Variants in RAB3IP observed in about 807,000 individuals in gnomAD.
RAB3IP encodes RAB3A interacting protein.
RAB3IP carries 36 observed loss-of-function variants against 59.1 expected under a neutral mutation model. The ratio of observed to expected loss-of-function variants is 0.61; its 90% confidence interval spans 0.47 to 0.80. RAB3IP has a LOEUF of 0.80. RAB3IP is among the 30% of genes least tolerant of loss of function. The probability of loss-of-function intolerance (pLI) is 0.00; values close to 1 mark genes in which losing one functional copy is unlikely to be tolerated. For synonymous variants in RAB3IP, 207 were observed against 191.2 expected (o/e 1.08, Z -0.68); for missense variants, 511 against 536.0 (o/e 0.95, Z 0.46).
At chr12:69,757,107 G>A (rs1592466262) in intron 3 of RAB3IP, among the ~76,000 whole-genome samples, 1 of 152,284 alleles carries the variant, frequency 6.6e-6, no homozygotes, top group South Asian at 2.1e-4. Context: ...TTGGTAAATT[G>A]TTGTGTTTCC....
At chr12:69,804,777 G>C (rs10082704) in intron 8 of RAB3IP, among the ~76,000 whole-genome samples, 35,046 of 150,268 alleles carry the variant, frequency 0.23, 3,979 homozygotes, top group Middle Eastern at 0.34. Context: ...GCTTGTTTTT[G>C]TCAGGTTTGT....
chr12:69,808,882 G>A (rs1343118176), intron 8 of RAB3IP, among the ~76,000 whole-genome samples: 1 of 151,994 alleles, frequency 6.6e-6, no homozygotes, highest in Non-Finnish European at 1.5e-5. Flanking sequence ...TTTAATTGGA[G>A]CATTTAGCCC....
At chr12:69,813,675 C>T (rs1880778248) in intron 10 of RAB3IP, among the ~76,000 whole-genome samples, 1 of 151,858 alleles carries the variant, frequency 6.6e-6, no homozygotes, top group African/African-American at 2.4e-5. Flanking sequence ...AAAGCAGTAT[C>T]TCTCGAGCAC....
intron 8 of RAB3IP, chr12:69,812,109 G>C (rs1248669217): frequency 6.6e-6 from 1 of 152,218 alleles, no homozygotes; most frequent in African/African-American, 2.4e-5. Flanking sequence ...TGTGTGCCAG[G>C]CATTTAAAGA....
chr12:69,738,639 GC>G (rs1371881841), upstream of RAB3IP: 2 of 151,668 alleles, frequency 1.3e-5, no homozygotes, highest in African/African-American at 4.8e-5. Context: ...CGCAGCTCCG[GC>G]TCGCGCTGGT....
At chr12:69,798,789 T>C (rs1877926981) in intron 6 of RAB3IP, among the ~76,000 whole-genome samples, 1 of 152,154 alleles carries the variant, frequency 6.6e-6, no homozygotes, top group Non-Finnish European at 1.5e-5. Flanking sequence ...GGAATAAATT[T>C]GCATCTTTCT....
At chr12:69,739,676 C>G in intron 1 of RAB3IP, 1 of 670,186 alleles carries the variant, frequency 1.5e-6, no homozygotes, top group Non-Finnish European at 2.6e-6. Flanking sequence ...AGCTCCGTGC[C>G]GCCAGACTTG....
intron 3 of RAB3IP, among the ~76,000 whole-genome samples, chr12:69,769,537 CTT>C (rs1424982532): frequency 1.3e-5 from 2 of 152,180 alleles, no homozygotes; most frequent in Non-Finnish European, 2.9e-5. Context: ...TCTGGGGTGT[CTT>C]TTGTGATTCT....
intron 1 of RAB3IP, among the ~76,000 whole-genome samples, chr12:69,754,015 G>A (rs1187676062): frequency 6.6e-6 from 1 of 152,130 alleles, no homozygotes; most frequent in Non-Finnish European, 1.5e-5. Flanking sequence ...CATACTCTAT[G>A]TCAGGTACAT....
intron 1 of RAB3IP, chr12:69,739,916 C>CTGAGAGGCAATT (rs1309977258): frequency 1.9e-6 from 3 of 1,590,350 alleles, no homozygotes; most frequent in Non-Finnish European, 2.6e-6. Flanking sequence ...GTACTGATTA[C>CTGAGAGGCAATT]TGAGAGGCAA....
Position 69,755,432 on chromosome 12 carries a change from C to T in RAB3IP, c.24C>T (p.Gly8=), listed in dbSNP as rs371428401. ...CTATGGCTAATGATCCCTTGGAAGGCTTCCATGAAGTAAACCTTGCTTCAC... is the reference window on the plus strand; with the variant it reads ...CTATGGCTAATGATCCCTTGGAAGGTTTCCATGAAGTAAACCTTGCTTCAC... The part of the protein sequence containing the change: MANDPLE[G]FHEVNLASPT... The change falls in exon 2 of 11, where the codon GGC becomes GGT. Residue 8 remains glycine, a synonymous_variant. Coordinates refer to ENST00000247833, the MANE Select transcript of RAB3IP (RefSeq NM_022456.5). 1.2e-5 allele frequency: 19 copies of T among 1,613,952 alleles called. No individual in the cohort carries two copies. The South Asian group carries it at 1.6e-4, about 14-fold the overall frequency.
chr12:69,815,516 T>A lies in RAB3IP; in HGVS notation c.*70T>A, dbSNP rs1881043231. 2 of 1,105,058 alleles carry A rather than the reference T, an allele frequency of 1.8e-6. No individual in the cohort carries two copies. The highest frequency in any genetic ancestry group is 2.0e-4 in the Middle Eastern group (1 of 5,058). 68.5% of individuals were successfully genotyped at this position (1,105,058 alleles called of 1,614,324 possible). On this transcript the variant is annotated 3_prime_UTR_variant, in exon 11 of 11. Coordinates refer to ENST00000247833, the MANE Select transcript of RAB3IP (RefSeq NM_022456.5). ...ATGGCTGAATATTTTTATGGTTACTTGATATTTATTTCCAAGGAGTGAGCC... is the reference window on the plus strand; with the variant it reads ...ATGGCTGAATATTTTTATGGTTACTAGATATTTATTTCCAAGGAGTGAGCC...
At chr12:69,789,557 A>G (rs967036891) in intron 4 of RAB3IP, among the ~76,000 whole-genome samples, 1 of 152,188 alleles carries the variant, frequency 6.6e-6, no homozygotes, top group East Asian at 1.9e-4. Context: ...TTACAAAAAT[A>G]GAAGAGGGAA....
intron 8 of RAB3IP, among the ~76,000 whole-genome samples, chr12:69,810,133 G>A (rs941760939): frequency 1.3e-5 from 2 of 152,204 alleles, no homozygotes; most frequent in African/African-American, 4.8e-5. Flanking sequence ...ACCCTCAGCT[G>A]CAGGTCTGTT....
rs1208040206 is a variant in RAB3IP, at chr12:69,823,147, A to G, written c.*7701A>G. 1 of 152,146 alleles carries G rather than the reference A, an allele frequency of 6.6e-6. No homozygotes were observed. Among genetic ancestry groups the G allele is most frequent in the Admixed American group, 6.6e-5 (1 of 15,260 alleles). The allele number at this position is 152,146 out of a possible 1,614,324, so 9.4% of individuals were successfully genotyped here. A position where few individuals can be genotyped will look rare whatever the true frequency, so the allele number is the denominator to read the frequency against. On this transcript the variant is annotated 3_prime_UTR_variant, in exon 11 of 11. Transcript: ENST00000247833. ...AAATATCATTGTGTACCCCATGAAT[A>G]TGGGCAATTATTATTTGTTAATTAA...
intron 8 of RAB3IP, among the ~76,000 whole-genome samples, chr12:69,808,311 C>G (rs1231606013): frequency 1.3e-5 from 2 of 152,112 alleles, no homozygotes; most frequent in African/African-American, 4.8e-5. Flanking sequence ...TTACTTCCAA[C>G]TATGTGGTCA....
chr12:69,787,001 T>C, intron 4 of RAB3IP, among the ~76,000 whole-genome samples: 1 of 152,162 alleles, frequency 6.6e-6, no homozygotes, highest in Non-Finnish European at 1.5e-5. Flanking sequence ...TCAAAGTTTT[T>C]ATTTGGTCTT....
At chr12:69,790,798 G>C (rs1279789357) in intron 4 of RAB3IP, among the ~76,000 whole-genome samples, 1 of 152,068 alleles carries the variant, frequency 6.6e-6, no homozygotes, top group Non-Finnish European at 1.5e-5. Context: ...TGGCCAGGTT[G>C]GTCTTGAACT....
intron 5 of RAB3IP, 71 bp from the exon 6 acceptor site, chr12:69,795,070 A>ATT: frequency 9.2e-7 from 1 of 1,089,030 alleles, no homozygotes. Flanking sequence ...TTTTGACCAG[A>ATT]TTGCTAATAT....
Sources: allele counts gnomAD v4.1 joint callset (sites outside exome capture counted in the v4.1 genomes callset), GRCh38; gene constraint gnomAD v4.1.1; transcripts MANE v1.5; gene names NCBI Gene and HGNC (gene_info 2026-07-23, HGNC 2026-07-21).